UST: variants seen among roughly 807,000 people sequenced by gnomAD.
The protein encoded by UST is uronyl 2-sulfotransferase.
UST carries 21 observed loss-of-function variants against 45.6 expected under a neutral mutation model. That is an observed-to-expected ratio of 0.46 (90% confidence interval 0.33 to 0.66). The LOEUF (loss-of-function observed/expected upper bound fraction) is 0.66, where lower values mean the gene tolerates loss of function less well. Among genes scored for constraint, UST ranks in the 30% least tolerant of loss-of-function variants. The probability of loss-of-function intolerance (pLI) is 0.02; values close to 1 mark genes in which losing one functional copy is unlikely to be tolerated. For synonymous variants in UST, 215 were observed against 200.6 expected, an observed-to-expected ratio of 1.07 and a Z score of -0.61; for missense variants, 463 against 512.4, an observed-to-expected ratio of 0.90 and a Z score of 0.93.
intron 1 of UST, among the ~76,000 whole-genome samples, chr6:148,873,553 A>G (rs1778597484): frequency 6.6e-6 from 1 of 152,146 alleles, no homozygotes; most frequent in South Asian, 2.1e-4. Flanking sequence ...TCAGCCTCAA[A>G]GGGATGAAGA....
chr6:148,910,134 CTTTTTTTTTT>C (rs148286486), intron 2 of UST, among the ~76,000 whole-genome samples: 1 of 103,444 alleles, frequency 9.7e-6, no homozygotes, highest in Admixed American at 1.1e-4. Context: ...GCCTGGGATG[CTTTTTTTTTT>C]TTTTTTTTTT....
intron 2 of UST, among the ~76,000 whole-genome samples, chr6:148,915,232 A>G (rs1779564074): frequency 6.6e-6 from 1 of 152,236 alleles, no homozygotes; most frequent in South Asian, 2.1e-4. Context: ...AGAAAAGACA[A>G]AATTAAAGTG....
In UST at chr6:149,019,228, C is replaced by T. The variant is rs1200079217; in HGVS notation, c.771C>T (p.Pro257=). The change falls in exon 6 of 8, where the codon CCC becomes CCT. Residue 257 remains proline, a synonymous_variant. Transcript: ENST00000367463. The stretch of plus-strand genomic sequence containing the variant: ...TTCCGTACTTTTGTGGACAGCATCC[C>T]AGATGCAGGTAAGGGCTAAAGCAGG... ...YIIPYFCGQH[P]RCREPGEWAL... 6.2e-7 allele frequency: 1 copy of T among 1,613,800 alleles called. No individual in the cohort carries two copies. Among genetic ancestry groups the T allele is most frequent in the Admixed American group, 1.7e-5 (1 of 60,022 alleles).
At chr6:148,772,892 T>A (rs1023025030) in intron 1 of UST, among the ~76,000 whole-genome samples, 5 of 152,238 alleles carry the variant, frequency 3.3e-5, no homozygotes, top group Admixed American at 3.3e-4. Context: ...ACAATAGTTG[T>A]CAATTAGAGG....
intron 2 of UST, among the ~76,000 whole-genome samples, chr6:148,895,375 G>T (rs1368614899): frequency 6.6e-6 from 1 of 152,078 alleles, no homozygotes; most frequent in Non-Finnish European, 1.5e-5. Context: ...CAAAGTTACC[G>T]AAGAGAGAGA....
At chr6:149,009,582 C>CACACACACACAT (rs754351669) in intron 5 of UST, among the ~76,000 whole-genome samples, 1 of 147,632 alleles carries the variant, frequency 6.8e-6, no homozygotes, top group African/African-American at 2.6e-5. Context: ...CACACACACA[C>CACACACACACAT]ATAGACAGAC....
At position 148,911,416 on chromosome 6, in the gene UST, A is replaced by G. The variant is rs372571434; in HGVS notation, c.291+24387A>G. 2.2e-4 allele frequency among the ~76,000 whole-genome samples: 33 copies of G among 152,320 alleles called. No individual in the cohort carries two copies. The South Asian group carries it at 5.2e-3, about 24-fold the overall frequency. ...CCACTAGACCTTTTCCTAGGGACCCAAACAGCTTCTGAAATCTGATCTTGT... is the reference window on the plus strand; with the variant it reads ...CCACTAGACCTTTTCCTAGGGACCCGAACAGCTTCTGAAATCTGATCTTGT... On this transcript the variant is annotated intron_variant, in intron 2 of 7. Transcript: ENST00000367463.
At chr6:148,798,890 G>A (rs1215162890) in intron 1 of UST, among the ~76,000 whole-genome samples, 1 of 147,908 alleles carries the variant, frequency 6.8e-6, no homozygotes, top group Non-Finnish European at 1.5e-5. Flanking sequence ...ATTTATTTGA[G>A]ATGGAGTCTC....
chr6:148,813,167 T>C (rs1336665832), intron 1 of UST, among the ~76,000 whole-genome samples: 1 of 152,232 alleles, frequency 6.6e-6, no homozygotes, highest in Non-Finnish European at 1.5e-5. Context: ...TAAAATTCTC[T>C]ACATTTTACA....
chr6:149,026,193 C>G (rs1169617504), intron 7 of UST, among the ~76,000 whole-genome samples: 1 of 150,378 alleles, frequency 6.6e-6, no homozygotes, highest in Non-Finnish European at 1.5e-5. Flanking sequence ...TGCCTGTGGT[C>G]CCAGCTACTG....
intron 2 of UST, among the ~76,000 whole-genome samples, chr6:148,933,740 C>G (rs1341599758): frequency 1.3e-5 from 2 of 152,168 alleles, no homozygotes. Flanking sequence ...GTGAGAATCA[C>G]TGCCGAGTTC....
intron 2 of UST, among the ~76,000 whole-genome samples, chr6:148,921,186 T>C (rs1272555025): frequency 6.6e-6 from 1 of 152,220 alleles, no homozygotes; most frequent in Non-Finnish European, 1.5e-5. Flanking sequence ...CCAGAGTCCC[T>C]GGGCTGAGCT....
chr6:148,801,094 ATCAGC>A (rs1777051065), intron 1 of UST, among the ~76,000 whole-genome samples: 1 of 152,222 alleles, frequency 6.6e-6, no homozygotes, highest in African/African-American at 2.4e-5. Context: ...AAGCTGCCTC[ATCAGC>A]TTAGTCTCTT....
chr6:148,980,305 C>G (rs1781104879), intron 5 of UST, among the ~76,000 whole-genome samples: 1 of 152,084 alleles, frequency 6.6e-6, no homozygotes, highest in South Asian at 2.1e-4. Flanking sequence ...CTTAGAATGT[C>G]TCTCAGATGT....
chr6:148,861,729 T>G (rs1778317204), intron 1 of UST, among the ~76,000 whole-genome samples: 1 of 152,232 alleles, frequency 6.6e-6, no homozygotes, highest in South Asian at 2.1e-4. Flanking sequence ...GGGAGCATCT[T>G]TATTTCTGCC....
At chr6:148,947,858 C>T (rs574153674) in intron 3 of UST, among the ~76,000 whole-genome samples, 2 of 151,998 alleles carry the variant, frequency 1.3e-5, no homozygotes, top group Admixed American at 6.5e-5. Flanking sequence ...TTCACACAGC[C>T]CTGCAGACGT....
At chr6:148,907,448 A>G (rs185765193) in intron 2 of UST, among the ~76,000 whole-genome samples, 150 of 152,300 alleles carry the variant, frequency 9.8e-4, no homozygotes, top group Non-Finnish European at 1.8e-3. Flanking sequence ...GGAGAAATGC[A>G]CTTTTAATGA....
At chr6:149,017,795 T>TACACAC (rs1300956547) in intron 5 of UST, among the ~76,000 whole-genome samples, 1 of 51,086 alleles carries the variant, frequency 2.0e-5, no homozygotes, top group African/African-American at 9.0e-5. Flanking sequence ...TGAATATCCA[T>TACACAC]ATATACACAC....
chr6:148,762,328 G>T (rs1346021874), intron 1 of UST, among the ~76,000 whole-genome samples: 1 of 152,144 alleles, frequency 6.6e-6, no homozygotes, highest in Non-Finnish European at 1.5e-5. Context: ...AAGCATCTTT[G>T]TCTTTCTTTC....
Sources: gnomAD v4.1 joint callset for allele counts (sites outside exome capture counted in the v4.1 genomes callset) on GRCh38, gnomAD v4.1.1 for gene constraint, MANE v1.5 for transcripts, NCBI Gene and HGNC (gene_info 2026-07-23, HGNC 2026-07-21) for gene names.